GCNT2: variants seen among roughly 807,000 people sequenced by gnomAD.
GCNT2 encodes the protein N-acetyllactosaminide beta-1,6-N-acetylglucosaminyl-transferase.
In GCNT2, 34 loss-of-function variants were observed where a neutral mutation model predicts 34.2. The ratio of observed to expected loss-of-function variants is 1.00; its 90% CI spans 0.76 to 1.32. The LOEUF (loss-of-function observed/expected upper bound fraction) is 1.32. Ranked by LOEUF, GCNT2 falls within the 40% of genes most tolerant of loss-of-function variation. The pLI, the probability that GCNT2 is intolerant of heterozygous loss-of-function variation, is 0.00. For missense variants in GCNT2, 584 were observed against 489.4 expected (o/e 1.19, Z -1.82); for synonymous variants, 212 against 188.0 (o/e 1.13, Z -1.04).
At chr6:10,541,915 T>C (rs1221127914) in intron 3 of GCNT2, among the ~76,000 whole-genome samples, 1 of 152,196 alleles carries the variant, frequency 6.6e-6, no homozygotes, top group African/African-American at 2.4e-5. Context: ...GTTGTCACTG[T>C]AGTTAGGGTT....
chr6:10,603,192 A>C (rs1196364496), intron 3 of GCNT2, among the ~76,000 whole-genome samples: 1 of 152,216 alleles, frequency 6.6e-6, no homozygotes, highest in African/African-American at 2.4e-5. Flanking sequence ...GTGACGCCTC[A>C]CCTCATTTAA....
At chr6:10,623,582 A>C (rs950513508) in intron 4 of GCNT2, among the ~76,000 whole-genome samples, 1 of 152,058 alleles carries the variant, frequency 6.6e-6, no homozygotes, top group Admixed American at 6.5e-5. Context: ...GAGCCACCGC[A>C]CCCGGCCTGT....
chr6:10,570,688 G>A (rs571976357), intron 3 of GCNT2, among the ~76,000 whole-genome samples: 2 of 152,088 alleles, frequency 1.3e-5, no homozygotes, highest in African/African-American at 2.4e-5. Context: ...AAGCTCTTTG[G>A]GGGGCCTACT....
At chr6:10,618,826 T>TA (rs1235650803) in intron 3 of GCNT2, among the ~76,000 whole-genome samples, 1 of 151,098 alleles carries the variant, frequency 6.6e-6, no homozygotes, top group African/African-American at 2.5e-5. Flanking sequence ...TATTGCTTAA[T>TA]AGTGTTTTTC....
At chr6:10,614,828 G>T (rs751945908) in intron 3 of GCNT2, among the ~76,000 whole-genome samples, 1 of 152,062 alleles carries the variant, frequency 6.6e-6, no homozygotes, top group Admixed American at 6.5e-5. Context: ...GGCCACCCTT[G>T]CATTGGGAAT....
intron 3 of GCNT2, among the ~76,000 whole-genome samples, chr6:10,546,183 C>T (rs1762255837): frequency 1.3e-5 from 2 of 152,130 alleles, no homozygotes; most frequent in South Asian, 4.1e-4. Context: ...AGGCAAAACC[C>T]AGGACAGTTG....
At chr6:10,589,215 GTGTT>G (rs1184179101) in intron 3 of GCNT2, among the ~76,000 whole-genome samples, 1 of 147,594 alleles carries the variant, frequency 6.8e-6, no homozygotes, top group African/African-American at 2.5e-5. Flanking sequence ...TGTGGTGTGT[GTGTT>G]TGCAGTGTAT....
At chr6:10,621,327 GCTT>G (rs748871025) in intron 3 of GCNT2, 21 bp from the exon 4 acceptor site, 4 of 1,474,248 alleles carry the variant, frequency 2.7e-6, no homozygotes, top group South Asian at 1.1e-5. Context: ...TCATCTCTAC[GCTT>G]CTTCTTTATC....
intron 3 of GCNT2, among the ~76,000 whole-genome samples, chr6:10,602,320 C>A (rs986588089): frequency 6.6e-6 from 1 of 152,180 alleles, no homozygotes; most frequent in Non-Finnish European, 1.5e-5. Flanking sequence ...TTCCCAGACA[C>A]GTCCAAGATT....
intron 3 of GCNT2, chr6:10,586,263 G>A (rs1289896389): frequency 6.2e-7 from 1 of 1,614,218 alleles, no homozygotes; most frequent in Non-Finnish European, 8.5e-7. Context: ...GTCGGAAGAA[G>A]AGGCTGCATT....
At chr6:10,594,376 A>G (rs561664185) in intron 3 of GCNT2, among the ~76,000 whole-genome samples, 1 of 152,348 alleles carries the variant, frequency 6.6e-6, no homozygotes, top group South Asian at 2.1e-4. Flanking sequence ...TTGATTGCAT[A>G]TGGCAGACTT....
chr6:10,560,843 A>C (rs573137587), intron 3 of GCNT2, among the ~76,000 whole-genome samples: 1 of 152,240 alleles, frequency 6.6e-6, no homozygotes, highest in African/African-American at 2.4e-5. Flanking sequence ...ACAGGCCAGA[A>C]AGAGGTCCTT....
chr6:10,523,164 G>C (rs1044685923), intron 1 of GCNT2, among the ~76,000 whole-genome samples: 3 of 152,164 alleles, frequency 2.0e-5, no homozygotes, highest in African/African-American at 7.2e-5. Context: ...GCTCATGACT[G>C]TAATCCCAGC....
intron 3 of GCNT2, among the ~76,000 whole-genome samples, chr6:10,561,638 C>CT (rs1244247263): frequency 6.6e-6 from 1 of 152,214 alleles, no homozygotes; most frequent in African/African-American, 2.4e-5. Context: ...GGTTTCGTCT[C>CT]TAAGGAACAG....
At chr6:10,536,754 A>C (rs1293747876) in intron 3 of GCNT2, among the ~76,000 whole-genome samples, 1 of 138,292 alleles carries the variant, frequency 7.2e-6, no homozygotes, top group Non-Finnish European at 1.5e-5. Context: ...CCCAGGCTGG[A>C]GTACAGTGGC....
chr6:10,613,885 C>T (rs111777202), intron 3 of GCNT2, among the ~76,000 whole-genome samples: 1,853 of 152,220 alleles, frequency 0.012, 23 homozygotes, highest in Admixed American at 0.033. Flanking sequence ...GGAATGAGAA[C>T]GGAAGTTCCC....
At chr6:10,580,238 C>T (rs1266844027) in intron 3 of GCNT2, among the ~76,000 whole-genome samples, 1 of 151,750 alleles carries the variant, frequency 6.6e-6, no homozygotes, top group Non-Finnish European at 1.5e-5. Flanking sequence ...GCCCTGGGCT[C>T]ATGATCCCCT....
At chr6:10,538,469 A>AT (rs1245615020) in intron 3 of GCNT2, among the ~76,000 whole-genome samples, 1 of 141,252 alleles carries the variant, frequency 7.1e-6, no homozygotes, top group East Asian at 2.0e-4. Context: ...TTGAACTCTC[A>AT]TAAGTCAGGG....
intron 3 of GCNT2, among the ~76,000 whole-genome samples, chr6:10,600,548 C>A (rs982101026): frequency 6.6e-6 from 1 of 152,120 alleles, no homozygotes; most frequent in Non-Finnish European, 1.5e-5. Context: ...TGGGAGCCAA[C>A]CCCTACCCCC....
Sources: gnomAD v4.1 joint callset for allele counts (sites outside exome capture counted in the v4.1 genomes callset) on GRCh38, gnomAD v4.1.1 for gene constraint, MANE v1.5 for transcripts, NCBI Gene and HGNC (gene_info 2026-07-23, HGNC 2026-07-21) for gene names.